FCRL5: variants seen among roughly 807,000 people sequenced by gnomAD.
FCRL5 encodes Fc receptor like 5, also known as Fc receptor-like protein 5.
A neutral mutation model predicts 92.1 loss-of-function variants in FCRL5; 79 were observed. The observed-to-expected ratio is 0.86, with a 90% CI of 0.72 to 1.03. FCRL5 has a LOEUF of 1.03. Ranked by LOEUF, FCRL5 falls within the 50% of genes least tolerant of loss-of-function variation. FCRL5 has a pLI of 0.00. For synonymous variants in FCRL5, 466 were observed against 469.3 expected (o/e 0.99, Z 0.09); for missense variants, 1,160 against 1,181.1 (o/e 0.98, Z 0.26).
intron 1 of FCRL5, among the ~76,000 whole-genome samples, chr1:157,551,111 G>A (rs1057019362): frequency 2.6e-5 from 4 of 152,136 alleles, no homozygotes; most frequent in East Asian, 1.9e-4. Flanking sequence ...CTGCATTTAC[G>A]TAGGTTATTT....
At position 157,542,953 on chromosome 1, in the gene FCRL5, G is replaced by A; in HGVS notation, c.1029C>T (p.Phe343=). 2.5e-6 allele frequency: 4 copies of A among 1,614,234 alleles called. No individual in the cohort carries two copies. The highest frequency in any genetic ancestry group is 3.4e-6 in the Non-Finnish European group (4 of 1,180,038). ...TCCCTGAATTCTCTGTAGTCAGTGA[G>A]AAGCTGATGGATGCTCCCCTTTCAC... ...VRCERGASIS[F]SLTTENSGNY... The change falls in exon 6 of 17, where the codon TTC becomes TTT. Residue 343 remains phenylalanine, a synonymous_variant. Transcript: ENST00000361835.
intron 8 of FCRL5, chr1:157,528,296 T>A (rs1650531008): frequency 6.5e-6 from 1 of 153,604 alleles, no homozygotes; most frequent in Non-Finnish European, 1.4e-5. Context: ...TACAAAACAC[T>A]GGTGTAAGAA....
chr1:157,551,105 A>G (rs1651788705), intron 1 of FCRL5, among the ~76,000 whole-genome samples: 3 of 152,222 alleles, frequency 2.0e-5, no homozygotes, highest in Admixed American at 6.5e-5. Flanking sequence ...TATGGTCTGC[A>G]TTTACGTAGG....
chr1:157,518,550 G>A (rs1650034109), intron 14 of FCRL5, 53 bp from the exon 15 acceptor site: 2 of 1,534,442 alleles, frequency 1.3e-6, no homozygotes, highest in Admixed American at 3.3e-5. Context: ...CCTCTTGTTA[G>A]AGATACTTCC....
chr1:157,519,384 T>C lies in FCRL5; in HGVS notation c.2660+359A>G, dbSNP rs1650075947. ...GTTATCACAAGAGGTGTTGATGAGA[T>C]CAGCATCTCCAGAGATTTCTAGGTT... On this transcript the variant is annotated intron_variant, in intron 13 of 16. Coordinates refer to ENST00000361835, the MANE Select transcript of FCRL5 (RefSeq NM_031281.3). 2.0e-5 allele frequency among the ~76,000 whole-genome samples: 3 copies of C among 152,170 alleles called. No homozygotes were observed. The South Asian group carries it at 6.2e-4, about 32-fold the overall frequency.
intron 2 of FCRL5, among the ~76,000 whole-genome samples, chr1:157,549,061 T>A (rs897012726): frequency 1.3e-5 from 2 of 151,878 alleles, no homozygotes; most frequent in African/African-American, 4.8e-5. Context: ...ATAGACTGGA[T>A]CAAGGAAATG....
chr1:157,514,562 T>G lies in FCRL5; in HGVS notation c.*1113A>C, dbSNP rs1205098273. 6.6e-6 allele frequency: 1 copy of G among 152,302 alleles called. No homozygotes were observed. The highest frequency in any genetic ancestry group is 1.5e-5 in the Non-Finnish European group (1 of 68,120). 9.4% of individuals were successfully genotyped at this position (152,302 alleles called of 1,614,324 possible). ...CACACATTCCCTCTCCATGGGCCTCTGCTGAGACCTATAGGGCTTCACATG... is the reference window on the plus strand; with the variant it reads ...CACACATTCCCTCTCCATGGGCCTCGGCTGAGACCTATAGGGCTTCACATG... On this transcript the variant is annotated 3_prime_UTR_variant, in exon 17 of 17. Transcript: ENST00000361835.
chr1:157,518,858 C>T, intron 13 of FCRL5, 76 bp from the exon 14 acceptor site: 1 of 1,191,758 alleles, frequency 8.4e-7, no homozygotes, highest in Non-Finnish European at 1.2e-6. Flanking sequence ...TAGTGAGTGA[C>T]TTCTTACTGC....
chr1:157,535,514 C>T (rs1168595982), intron 7 of FCRL5, among the ~76,000 whole-genome samples: 2 of 152,218 alleles, frequency 1.3e-5, no homozygotes, highest in Non-Finnish European at 2.9e-5. Context: ...CTACATTTAT[C>T]ATCTCTACTT....
chr1:157,536,960 C>T (rs553348914), intron 7 of FCRL5, among the ~76,000 whole-genome samples: 34 of 152,284 alleles, frequency 2.2e-4, no homozygotes, highest in Admixed American at 9.1e-4. Context: ...CAGTCAATAC[C>T]CTTGTGATTT....
chr1:157,520,433 G>T lies in FCRL5; in HGVS notation c.2630C>A (p.Ala877Glu). The change falls in exon 12 of 17, where the codon GCA becomes GAA. Residue 877 changes from alanine (A) to glutamate (E), a missense_variant and splice_region_variant. Physicochemically the swap from Ala to Glu is moderately radical, Grantham distance 107 (BLOSUM62 -1). Transcript: ENST00000361835. ...LLLYCWLSRK[A>E]GRKPASDPAR... is the part of the protein sequence containing the mutation. ...AAGGTGTGCCCAGAGTCACCCACCT[G>T]CTTTTCTCGAGAGCCAGCAGTAGAG... is the stretch of plus-strand genomic sequence containing the variant. The T allele has an allele frequency of 6.4e-7, 1 of 1,573,528 alleles. No individual in the cohort carries two copies. The highest frequency in any genetic ancestry group is 1.2e-5 in the South Asian group (1 of 85,818).
chr1:157,545,568 A>G (rs6683511), intron 3 of FCRL5, among the ~76,000 whole-genome samples: 33,609 of 125,522 alleles, frequency 0.27, 4,391 homozygotes, highest in Middle Eastern at 0.5. Context: ...TCACTCTTTC[A>G]CCCAGGCAGG....
Position 157,520,493 on chromosome 1 carries a change from A to G in FCRL5, c.2570T>C (p.Leu857Pro). ...PFATGVAGGL[L>P]SIAGLAAGAL... ...CCCCGCAGCAAGGCCTGCTATGCTG[A>G]GCAGGCCCCCGGCGACTCCTGTGGC... Residue 857 changes from leucine (L) to proline (P), a missense_variant, in exon 12 of 17, where the codon CTC (leucine) becomes CCC (proline). Transcript: ENST00000361835. 2 of 1,575,864 alleles carry G rather than the reference A, an allele frequency of 1.3e-6. No homozygotes were observed. The highest frequency in any genetic ancestry group is 1.7e-6 in the Non-Finnish European group (2 of 1,160,490).
intron 4 of FCRL5, 115 bp from the exon 5 acceptor site, chr1:157,544,661 T>C (rs1651443663): frequency 7.0e-7 from 1 of 1,423,288 alleles, no homozygotes; most frequent in East Asian, 2.3e-5. Flanking sequence ...ATGCCATTGA[T>C]CCCTAGCTTC....
chr1:157,534,729 C>T lies in FCRL5; in HGVS notation c.1566G>A (p.Val522=), dbSNP rs112996367. 9.3e-6 allele frequency: 15 copies of T among 1,614,116 alleles called. No individual in the cohort carries two copies. The highest frequency in any genetic ancestry group is 1.7e-4 in the Middle Eastern group (1 of 6,060). The stretch of plus-strand genomic sequence containing the variant: ...GAGAGAAGCTGAAGGACACTCTTCC[C>T]ACAGAGGGTGTTGAGCTGCTCCACA... ...MPLWSSSTPS[V]GRVSFSFSLT... is the part of the protein sequence containing the mutation. Residue 522 remains valine (V), a synonymous_variant, in exon 8 of 17, where the codon GTG becomes GTA. Transcript: ENST00000361835.
chr1:157,539,229 G>A lies in FCRL5; in HGVS notation c.1259C>T (p.Ala420Val), dbSNP rs766592593. 6.2e-7 allele frequency: 1 copy of A among 1,614,178 alleles called. No homozygotes were observed. The highest frequency in any genetic ancestry group is 1.7e-5 in the Admixed American group (1 of 60,026). ...ILYQFHHEGA[A>V]LERRSANSAG... is the part of the protein sequence containing the mutation. ...AGAGTTGGCCGACCTACGCTCCAGG[G>A]CAGCACCCTCATGATGAAACTGGTA... is the stretch of plus-strand genomic sequence containing the variant. Residue 420 changes from alanine (A) to valine (V), a missense_variant, in exon 7 of 17, where the codon GCC (alanine) becomes GTC (valine). By Grantham distance (64) the Ala-to-Val change is moderately conservative. Coordinates refer to ENST00000361835, the MANE Select transcript of FCRL5 (RefSeq NM_031281.3).
chr1:157,535,130 T>G (rs1296903005), intron 7 of FCRL5, among the ~76,000 whole-genome samples: 1 of 152,188 alleles, frequency 6.6e-6, no homozygotes, highest in East Asian at 1.9e-4. Context: ...TCTTGTAGTG[T>G]GACCTGCCTC....
intron 10 of FCRL5, chr1:157,523,960 A>T (rs1385236560): frequency 7.1e-6 from 3 of 420,060 alleles, no homozygotes; most frequent in African/African-American, 2.0e-5. Context: ...GCAGAGAAAC[A>T]TATGCTCAGA....
intron 8 of FCRL5, among the ~76,000 whole-genome samples, chr1:157,529,284 A>C (rs1650578756): frequency 6.6e-6 from 1 of 152,266 alleles, no homozygotes; most frequent in South Asian, 2.1e-4. Context: ...CATAATTAAA[A>C]AAACAAAAAA....
Sources: allele counts gnomAD v4.1 joint callset (sites outside exome capture counted in the v4.1 genomes callset), GRCh38; gene constraint gnomAD v4.1.1; transcripts MANE v1.5; gene names NCBI Gene and HGNC (gene_info 2026-07-23, HGNC 2026-07-21).